The following SORBS2 variants were observed in gnomAD, a reference collection of about 807,000 sequenced individuals.
The protein encoded by SORBS2 is sorbin and SH3 domain-containing protein 2.
Under a neutral mutation model 97.7 loss-of-function variants are expected in SORBS2, and 46 were observed. That is an observed-to-expected ratio of 0.47 (90% CI 0.37 to 0.60). SORBS2 has a LOEUF of 0.60. Ranked by LOEUF, SORBS2 falls within the 20% of genes least tolerant of loss-of-function variation. SORBS2 has a pLI of 0.00. For synonymous variants in SORBS2, 476 were observed against 473.4 expected, an observed-to-expected ratio of 1.01 and a Z score of -0.07; for missense variants, 1,316 against 1,282.3, an observed-to-expected ratio of 1.03 and a Z score of -0.40.
At chr4:185,757,004 T>G in intron 2 of SORBS2, 2 of 1,232,320 alleles carry the variant, frequency 1.6e-6, no homozygotes, top group Non-Finnish European at 2.4e-6. Context: ...CCAATTCTGC[T>G]ATCACAAAGA....
chr4:185,625,802 T>G (rs1257418504), intron 6 of SORBS2, among the ~76,000 whole-genome samples: 1 of 152,106 alleles, frequency 6.6e-6, no homozygotes, highest in Non-Finnish European at 1.5e-5. Flanking sequence ...CTACTCAGAG[T>G]CCAATCATCA....
intron 2 of SORBS2, among the ~76,000 whole-genome samples, chr4:185,765,970 A>G (rs562439494): frequency 1.3e-5 from 2 of 152,350 alleles, no homozygotes; most frequent in South Asian, 4.1e-4. Context: ...GTGGATATAA[A>G]AAGAAAATTC....
chr4:185,620,531 C>A (rs896010708), intron 7 of SORBS2, among the ~76,000 whole-genome samples: 3 of 151,906 alleles, frequency 2.0e-5, no homozygotes, highest in Non-Finnish European at 4.4e-5. Context: ...ATAAGATTTA[C>A]AGAGGATGGA....
chr4:185,691,788 A>G (rs1312069034), intron 2 of SORBS2, among the ~76,000 whole-genome samples: 1 of 152,064 alleles, frequency 6.6e-6, no homozygotes, highest in Non-Finnish European at 1.5e-5. Flanking sequence ...TCTGTCGCCC[A>G]GGCTGGAGTG....
At chr4:185,851,846 G>T (rs1343217078) in intron 1 of SORBS2, among the ~76,000 whole-genome samples, 1 of 152,126 alleles carries the variant, frequency 6.6e-6, no homozygotes, top group African/African-American at 2.4e-5. Context: ...ACTCAGACTG[G>T]CTCTCCTTAC....
intron 1 of SORBS2, among the ~76,000 whole-genome samples, chr4:185,894,867 C>T (rs757413153): frequency 6.6e-5 from 10 of 152,278 alleles, no homozygotes; most frequent in East Asian, 3.9e-4. Flanking sequence ...ACCAGCTCCT[C>T]GGAGCCTAGC....
intron 2 of SORBS2, among the ~76,000 whole-genome samples, chr4:185,719,734 C>T (rs1422851928): frequency 6.6e-6 from 1 of 152,152 alleles, no homozygotes; most frequent in African/African-American, 2.4e-5. Flanking sequence ...ATTTTGAAAA[C>T]AAAAGCCCTA....
chr4:185,862,794 C>G (rs549487959), intron 1 of SORBS2, among the ~76,000 whole-genome samples: 53 of 152,304 alleles, frequency 3.5e-4, no homozygotes, highest in African/African-American at 1.2e-3. Context: ...CTCTTGTTTC[C>G]CCTCCACTGA....
exon 7 of SORBS2, chr4:185,624,212 G>A (rs1175551003): frequency 1.9e-6 from 3 of 1,614,080 alleles, no homozygotes; most frequent in Admixed American, 1.7e-5. Context: ...CATGCTTTCC[G>A]ACTTGACTTT....
chr4:185,791,641 C>T (rs189567727), intron 1 of SORBS2, among the ~76,000 whole-genome samples: 51 of 151,810 alleles, frequency 3.4e-4, no homozygotes, highest in Admixed American at 1.3e-3. Context: ...TAATCTGCAA[C>T]GTGGAATTTA....
At chr4:185,839,224 CG>C (rs1393922229) in intron 1 of SORBS2, among the ~76,000 whole-genome samples, 2 of 152,156 alleles carry the variant, frequency 1.3e-5, no homozygotes, top group African/African-American at 4.8e-5. Flanking sequence ...GGCAAACACT[CG>C]GGGTAACTTG....
At chr4:185,830,370 G>A (rs1380077735) in intron 1 of SORBS2, among the ~76,000 whole-genome samples, 1 of 152,220 alleles carries the variant, frequency 6.6e-6, no homozygotes, top group Non-Finnish European at 1.5e-5. Flanking sequence ...CATAGGTGCT[G>A]TGAGGTGGGT....
upstream of SORBS2, chr4:185,657,624 C>T (rs374456557): frequency 1.0e-5 from 16 of 1,578,668 alleles, no homozygotes; most frequent in Admixed American, 1.1e-4. Flanking sequence ...TAACATGGAA[C>T]GTATTCGTTG....
At chr4:185,785,626 T>C (rs1201492176) in intron 1 of SORBS2, among the ~76,000 whole-genome samples, 1 of 152,192 alleles carries the variant, frequency 6.6e-6, no homozygotes, top group East Asian at 1.9e-4. Flanking sequence ...TTCAGTTCTC[T>C]TACCCACCAA....
intron 1 of SORBS2, among the ~76,000 whole-genome samples, chr4:185,885,736 C>T (rs377675348): frequency 6.6e-6 from 1 of 152,204 alleles, no homozygotes; most frequent in African/African-American, 2.4e-5. Context: ...TCTAGAATAT[C>T]CTTGGCATCT....
intron 9 of SORBS2, among the ~76,000 whole-genome samples, chr4:185,615,967 C>G (rs1435998235): frequency 6.6e-6 from 1 of 152,140 alleles, no homozygotes; most frequent in Non-Finnish European, 1.5e-5. Context: ...CTAAACTTAT[C>G]ACCTTCACTA....
chr4:185,670,236 G>T (rs543618431), intron 4 of SORBS2, among the ~76,000 whole-genome samples: 3 of 152,070 alleles, frequency 2.0e-5, no homozygotes, highest in African/African-American at 7.2e-5. Flanking sequence ...AAAAAAAAAG[G>T]TTTATTTTGC....
intron 1 of SORBS2, among the ~76,000 whole-genome samples, chr4:185,806,895 A>C (rs1419228900): frequency 6.6e-6 from 1 of 152,184 alleles, no homozygotes; most frequent in Non-Finnish European, 1.5e-5. Flanking sequence ...CCCTGTCCTC[A>C]AATTCAACTA....
At chr4:185,680,037 A>T (rs1203135804) in intron 2 of SORBS2, among the ~76,000 whole-genome samples, 1 of 152,254 alleles carries the variant, frequency 6.6e-6, no homozygotes, top group African/African-American at 2.4e-5. Flanking sequence ...ATGATCATTG[A>T]TAACTTGGTA....
Sources: allele counts gnomAD v4.1 joint callset (sites outside exome capture counted in the v4.1 genomes callset), GRCh38; gene constraint gnomAD v4.1.1; transcripts MANE v1.5; gene names NCBI Gene and HGNC (gene_info 2026-07-23, HGNC 2026-07-21).